Variants in ROBO1 observed in about 807,000 individuals in gnomAD.
The protein encoded by ROBO1 is roundabout guidance receptor 1, also known as roundabout homolog 1.
A neutral mutation model predicts 195.9 loss-of-function variants in ROBO1; 149 were observed. The observed-to-expected ratio is 0.76, with a 90% CI of 0.67 to 0.87. ROBO1 has a LOEUF of 0.87. ROBO1 is among the 40% of genes least tolerant of loss of function. ROBO1 has a pLI of 0.00. For missense variants in ROBO1, 1,933 were observed against 2,068.3 expected, an observed-to-expected ratio of 0.93 and a Z score of 1.27; for synonymous variants, 816 against 733.2, an observed-to-expected ratio of 1.11 and a Z score of -1.82.
At position 79,625,423 on chromosome 3, in the gene ROBO1, G is replaced by GAAAAAAA; in HGVS notation, c.-50-35469_-50-35463dup. ...AAGTAATCCAGTAGCTGTTTTTTTT[G>GAAAAAAA]AAAAAAAAAAAAAAAAAAAAAGCAA... On this transcript the variant is annotated intron_variant, in intron 1 of 30. Coordinates refer to ENST00000464233, the MANE Select transcript of ROBO1 (RefSeq NM_002941.4). Among the ~76,000 whole-genome samples, 74 of 13,876 alleles carry GAAAAAAA rather than the reference G, an allele frequency of 5.3e-3. 4 individuals carry two copies. Among genetic ancestry groups the GAAAAAAA allele is most frequent in the Middle Eastern group, 0.11 (2 of 18 alleles). The allele number at this position is 13,876 out of a possible 152,430, so 9.1% of individuals were successfully genotyped here. A position where few individuals can be genotyped will look rare whatever the true frequency, so the allele number is the denominator to read the frequency against.
chr3:79,206,348 G>A (rs1160321464), intron 2 of ROBO1, among the ~76,000 whole-genome samples: 1 of 152,126 alleles, frequency 6.6e-6, no homozygotes, highest in Admixed American at 6.5e-5. Flanking sequence ...CAAGACTACT[G>A]TGCTGGCAAT....
At chr3:79,386,237 G>A (rs1436600076) in intron 2 of ROBO1, among the ~76,000 whole-genome samples, 1 of 152,014 alleles carries the variant, frequency 6.6e-6, no homozygotes, top group East Asian at 1.9e-4. Flanking sequence ...ACGTCAGTTC[G>A]ATAGAACTCT....
At chr3:79,409,016 T>C (rs926253829) in intron 2 of ROBO1, among the ~76,000 whole-genome samples, 4 of 152,262 alleles carry the variant, frequency 2.6e-5, no homozygotes, top group Admixed American at 6.5e-5. Context: ...TTGAAAATGA[T>C]ACAAAAAGTC....
chr3:79,487,510 G>A (rs1264970058), intron 2 of ROBO1, among the ~76,000 whole-genome samples: 1 of 152,080 alleles, frequency 6.6e-6, no homozygotes, highest in Non-Finnish European at 1.5e-5. Context: ...CCACTGCGCC[G>A]AGCCAACTTT....
chr3:79,542,622 C>A (rs561998205), intron 2 of ROBO1, among the ~76,000 whole-genome samples: 3 of 151,822 alleles, frequency 2.0e-5, no homozygotes, highest in South Asian at 2.1e-4. Flanking sequence ...ATTAAAATAC[C>A]TTCCTAGCAA....
chr3:78,954,031 C>T (rs1023160133), intron 3 of ROBO1, among the ~76,000 whole-genome samples: 3 of 151,836 alleles, frequency 2.0e-5, no homozygotes, highest in Non-Finnish European at 4.4e-5. Context: ...TTAAGAAACA[C>T]TGAAAATAAA....
intron 3 of ROBO1, among the ~76,000 whole-genome samples, chr3:78,996,229 T>C (rs1264824017): frequency 6.6e-6 from 1 of 151,658 alleles, no homozygotes; most frequent in Non-Finnish European, 1.5e-5. Context: ...CTCACACCTG[T>C]AATCCCAGCA....
intron 2 of ROBO1, among the ~76,000 whole-genome samples, chr3:79,373,280 GT>G (rs149920748): frequency 0.037 from 5,469 of 149,682 alleles, 172 homozygotes; most frequent in African/African-American, 0.09. Context: ...TGTAAAACAC[GT>G]TTTTTTTTTC....
At chr3:79,054,929 C>T (rs897713810) in intron 3 of ROBO1, among the ~76,000 whole-genome samples, 1 of 152,132 alleles carries the variant, frequency 6.6e-6, no homozygotes, top group Non-Finnish European at 1.5e-5. Flanking sequence ...TTATCTACAG[C>T]CAACCCAGAT....
At chr3:79,585,070 T>C (rs1482287116) in intron 2 of ROBO1, among the ~76,000 whole-genome samples, 2 of 148,752 alleles carry the variant, frequency 1.3e-5, no homozygotes, top group African/African-American at 5.2e-5. Flanking sequence ...CTATTGTTTT[T>C]AGCATCACAT....
intron 28 of ROBO1, among the ~76,000 whole-genome samples, chr3:78,613,861 G>A (rs1444868179): frequency 6.6e-6 from 1 of 152,170 alleles, no homozygotes; most frequent in African/African-American, 2.4e-5. Flanking sequence ...TTGTTGCAGA[G>A]GACCAGGAGG....
At chr3:78,910,791 C>T (rs1035267807) in intron 4 of ROBO1, among the ~76,000 whole-genome samples, 6 of 151,866 alleles carry the variant, frequency 4.0e-5, no homozygotes, top group East Asian at 3.9e-4. Flanking sequence ...TTTTGAAAGG[C>T]GTAATGACAT....
At chr3:79,453,937 G>A (rs2039528922) in intron 2 of ROBO1, among the ~76,000 whole-genome samples, 1 of 152,044 alleles carries the variant, frequency 6.6e-6, no homozygotes, top group African/African-American at 2.4e-5. Flanking sequence ...TCCAGGTGCT[G>A]AGCCTCTTCT....
At chr3:79,051,324 C>A (rs191520850) in intron 3 of ROBO1, among the ~76,000 whole-genome samples, 2 of 152,242 alleles carry the variant, frequency 1.3e-5, no homozygotes, top group East Asian at 3.9e-4. Flanking sequence ...GGATAAATTC[C>A]TGGACACATA....
intron 1 of ROBO1, among the ~76,000 whole-genome samples, chr3:79,746,084 T>C (rs999913796): frequency 6.6e-6 from 1 of 152,122 alleles, no homozygotes; most frequent in Admixed American, 6.5e-5. Flanking sequence ...TATAATGTTT[T>C]CCCTATTTCT....
At chr3:79,728,520 T>C (rs1703018377) in intron 1 of ROBO1, among the ~76,000 whole-genome samples, 1 of 152,174 alleles carries the variant, frequency 6.6e-6, no homozygotes. Flanking sequence ...AAAGGTGAAA[T>C]ATTTGTAAAC....
At position 78,668,548 on chromosome 3, in the gene ROBO1, C is replaced by T; in HGVS notation, c.1566G>A (p.Arg522=). The T allele has an allele frequency of 6.2e-7, 1 of 1,613,668 alleles. No homozygotes were observed. The highest frequency in any genetic ancestry group is 8.5e-7 in the Non-Finnish European group (1 of 1,179,754). The change falls in exon 12 of 31, where the codon CGG becomes CGA. Residue 522 remains arginine (R), a synonymous_variant. Coordinates refer to ENST00000464233, the MANE Select transcript of ROBO1 (RefSeq NM_002941.4). ...TGGGGGTTGATGCAATGCAGGTGTA[C>T]CGACCAGTATCACCCAGCTGAGAAG... The part of the protein sequence containing the change: ...IRYAKLGDTG[R]YTCIASTPSG...
chr3:79,239,426 G>A (rs1454740826), intron 2 of ROBO1, among the ~76,000 whole-genome samples: 11 of 152,176 alleles, frequency 7.2e-5, no homozygotes, highest in African/African-American at 2.4e-4. Flanking sequence ...GTGCTTTTGT[G>A]ATGACATGTT....
chr3:79,568,460 C>A (rs1321621061), intron 2 of ROBO1, among the ~76,000 whole-genome samples: 13 of 144,276 alleles, frequency 9.0e-5, no homozygotes, highest in African/African-American at 3.4e-4. Context: ...CATAAAGTTT[C>A]TCTTACTATT....
Sources: allele counts gnomAD v4.1 joint callset (sites outside exome capture counted in the v4.1 genomes callset), GRCh38; gene constraint gnomAD v4.1.1; transcripts MANE v1.5; gene names NCBI Gene and HGNC (gene_info 2026-07-23, HGNC 2026-07-21).